The following MYLK variants were observed in gnomAD, a reference collection of about 807,000 sequenced individuals.
The protein encoded by MYLK is myosin light chain kinase, also known as myosin light chain kinase, smooth muscle.
Under a neutral mutation model 203.4 loss-of-function variants are expected in MYLK, and 106 were observed. The ratio of observed to expected loss-of-function variants is 0.52; its 90% CI spans 0.45 to 0.61. The LOEUF is 0.61. MYLK is among the 20% of genes least tolerant of loss of function. The pLI is 0.00. For synonymous variants in MYLK, 867 were observed against 959.5 expected, an observed-to-expected ratio of 0.90 and a Z score of 1.78; for missense variants, 2,072 against 2,442.3, an observed-to-expected ratio of 0.85 and a Z score of 3.20.
chr3:123,849,785 G>A (rs2148663986), intron 2 of MYLK, among the ~76,000 whole-genome samples: 1 of 151,928 alleles, frequency 6.6e-6, no homozygotes, highest in Admixed American at 6.6e-5. Context: ...GGGTACATGT[G>A]CACAACGTGC....
chr3:123,874,050 C>T (rs1349437535), intron 2 of MYLK, among the ~76,000 whole-genome samples: 1 of 152,090 alleles, frequency 6.6e-6, no homozygotes, highest in Non-Finnish European at 1.5e-5. Context: ...AAAAATCCAA[C>T]ATTGTTAAGA....
chr3:123,737,654 C>T (rs2062725295), intron 7 of MYLK, 111 bp from the exon 8 acceptor site: 13 of 1,406,792 alleles, frequency 9.2e-6, no homozygotes, highest in Middle Eastern at 1.9e-4. Flanking sequence ...TGGGCAGCAG[C>T]GTCCTCTGCT....
chr3:123,717,285 A>G (rs1404808765), intron 13 of MYLK, among the ~76,000 whole-genome samples: 2 of 152,198 alleles, frequency 1.3e-5, no homozygotes, highest in Non-Finnish European at 2.9e-5. Flanking sequence ...TAATCTGAAA[A>G]CAAACTGTGC....
intron 2 of MYLK, among the ~76,000 whole-genome samples, chr3:123,858,184 TTGTCCTTGG>T (rs1370271949): frequency 6.6e-6 from 1 of 152,190 alleles, no homozygotes; most frequent in Non-Finnish European, 1.5e-5. Flanking sequence ...TCCTGTGGTA[TTGTCCTTGG>T]ACCTGAAGAT....
At chr3:123,668,538 C>G (rs1260485711) in intron 20 of MYLK, among the ~76,000 whole-genome samples, 4 of 152,076 alleles carry the variant, frequency 2.6e-5, no homozygotes, top group Non-Finnish European at 5.9e-5. Context: ...CAAAGGGGCA[C>G]AGGGAAATGT....
intron 20 of MYLK, among the ~76,000 whole-genome samples, chr3:123,667,660 G>A (rs967350737): frequency 6.6e-6 from 1 of 151,872 alleles, no homozygotes; most frequent in Non-Finnish European, 1.5e-5. Flanking sequence ...AGATCACTTT[G>A]CCCTTTCACA....
In MYLK at chr3:123,733,953, T is replaced by C; in HGVS notation, c.1043A>G (p.Gln348Arg). Residue 348 changes from glutamine (Q) to arginine (R), a missense_variant, in exon 10 of 34, where the codon CAG (glutamine) becomes CGG (arginine). This residue lies in a region of MYLK where 683 missense variants were observed against 643.8 expected (regional missense o/e 1.06). Coordinates refer to ENST00000360304, the MANE Select transcript of MYLK (RefSeq NM_053025.4). The part of the protein sequence containing the change: ...LQKTSSSITL[Q>R]AARVQPEPRA... ...TGGTTCCGGCTGAACTCTTGCGGCC[T>C]GCAGGGTGATGGAGCTGGAAGTCTT... 6.2e-7 allele frequency: 1 copy of C among 1,614,192 alleles called. No homozygotes were observed. The highest frequency in any genetic ancestry group is 8.5e-7 in the Non-Finnish European group (1 of 1,180,042).
intron 13 of MYLK, among the ~76,000 whole-genome samples, chr3:123,712,951 T>C (rs1414631324): frequency 2.0e-5 from 3 of 152,158 alleles, no homozygotes; most frequent in Admixed American, 6.5e-5. Context: ...ACCAATGGAG[T>C]CTGGGCTTCA....
chr3:123,813,199 C>T (rs10511418), intron 3 of MYLK, among the ~76,000 whole-genome samples: 12,290 of 152,180 alleles, frequency 0.081, 606 homozygotes, highest in Middle Eastern at 0.16. Flanking sequence ...CTTGCTAATG[C>T]TAAAAGGTTG....
At position 123,629,341 on chromosome 3, in the gene MYLK, T is replaced by G; in HGVS notation, c.5114+133A>C. The G allele has an allele frequency of 1.8e-6, 2 of 1,118,064 alleles. No individual in the cohort carries two copies. The highest frequency in any genetic ancestry group is 4.0e-5 in the Admixed American group (2 of 50,174). 69.3% of individuals were successfully genotyped at this position (1,118,064 alleles called of 1,614,324 possible). On this transcript the variant is annotated intron_variant, in intron 30 of 33. Coordinates refer to ENST00000360304, the MANE Select transcript of MYLK (RefSeq NM_053025.4). The surrounding 1 kb of genome is among the most constrained non-coding windows in gnomAD (Gnocchi z 4.4). ...GTCTCTTACCATGCCCACCCTCCCT[T>G]CCTCAGGGAATGCTAGGAACGACCC... is the stretch of plus-strand genomic sequence containing the variant.
chr3:123,851,764 A>G (rs961052994), intron 2 of MYLK, among the ~76,000 whole-genome samples: 16 of 152,132 alleles, frequency 1.1e-4, no homozygotes, highest in African/African-American at 3.9e-4. Flanking sequence ...TGCCCTGGCC[A>G]GAACTTCCAA....
chr3:123,718,580 C>T (rs573092382), intron 13 of MYLK, among the ~76,000 whole-genome samples: 12 of 152,324 alleles, frequency 7.9e-5, no homozygotes, highest in East Asian at 5.8e-4. Flanking sequence ...CAACCTTGCT[C>T]CTGACTCAGG....
intron 16 of MYLK, among the ~76,000 whole-genome samples, chr3:123,703,048 C>A (rs1446915350): frequency 6.6e-6 from 1 of 152,216 alleles, no homozygotes; most frequent in East Asian, 1.9e-4. Context: ...TGGCAGGCAC[C>A]TGCACCTGGA....
chr3:123,757,563 G>A (rs1481562559), intron 4 of MYLK, among the ~76,000 whole-genome samples: 1 of 152,166 alleles, frequency 6.6e-6, no homozygotes, highest in East Asian at 1.9e-4. Flanking sequence ...ATTGAGCTGA[G>A]GCCAGGGAGA....
At chr3:123,859,750 T>A (rs2031728875) in intron 2 of MYLK, among the ~76,000 whole-genome samples, 1 of 152,144 alleles carries the variant, frequency 6.6e-6, no homozygotes, top group Non-Finnish European at 1.5e-5. Flanking sequence ...TGGAAACATG[T>A]CCAACCTCAG....
Position 123,708,681 on chromosome 3 carries a change from G to T in MYLK, c.2140+17C>A. On this transcript the variant is annotated intron_variant, in intron 15 of 33. Coordinates refer to ENST00000360304, the MANE Select transcript of MYLK (RefSeq NM_053025.4). ...GCAGCATCTCCTTCCCACTCGCTCTGAGTGGGTCAGCCTCACCTTGTACCG... is the reference window on the plus strand; with the variant it reads ...GCAGCATCTCCTTCCCACTCGCTCTTAGTGGGTCAGCCTCACCTTGTACCG... The T allele has an allele frequency of 1.2e-6, 2 of 1,613,866 alleles. No homozygotes were observed. Among genetic ancestry groups the T allele is most frequent in the Middle Eastern group, 1.6e-4 (1 of 6,062 alleles).
intron 11 of MYLK, among the ~76,000 whole-genome samples, chr3:123,727,002 A>T (rs2108761912): frequency 6.6e-6 from 1 of 152,324 alleles, no homozygotes; most frequent in Non-Finnish European, 1.5e-5. Context: ...ATGGGCAAGA[A>T]AGCTAATAAG....
intron 4 of MYLK, among the ~76,000 whole-genome samples, chr3:123,763,441 T>G (rs373788291): frequency 4.6e-5 from 7 of 152,244 alleles, no homozygotes; most frequent in Non-Finnish European, 1.5e-5. Flanking sequence ...ACCATTCCAA[T>G]AGTTTTCTAA....
rs1045011150 is a variant in MYLK, at chr3:123,638,753, C to CT, written c.4838-560dup. 3.1e-4 allele frequency: 309 copies of CT among 985,386 alleles called. 1 individual carries two copies. Among genetic ancestry groups the CT allele is most frequent in the Non-Finnish European group, 3.3e-4 (278 of 829,928 alleles). 61.0% of individuals were successfully genotyped at this position (985,386 alleles called of 1,614,324 possible). ...CCACCGTTCCTCCCTCCTGCCTCTC[C>CT]TACTCCTCACACAGCTTCATGGCTG... On this transcript the variant is annotated intron_variant, in intron 28 of 33. Transcript: ENST00000360304.
Sources: gnomAD v4.1 joint callset for allele counts (sites outside exome capture counted in the v4.1 genomes callset) on GRCh38, gnomAD v4.1.1 for gene constraint, gnomAD v4.1.1 regional missense constraint, Gnocchi (gnomAD v3.1) non-coding constraint, MANE v1.5 for transcripts, NCBI Gene and HGNC (gene_info 2026-07-23, HGNC 2026-07-21) for gene names.